ZNF638: variants seen among roughly 807,000 people sequenced by gnomAD.
ZNF638 encodes CTCL tumor antigen se33-1.
Under a neutral mutation model 195.6 loss-of-function variants are expected in ZNF638, and 46 were observed. That is an observed-to-expected ratio of 0.24 (90% CI 0.19 to 0.30). The LOEUF is 0.30. Among genes scored for constraint, ZNF638 ranks in the 10% least tolerant of loss-of-function variants. The pLI is 1.00. For missense variants in ZNF638, 2,440 were observed against 2,325.3 expected, an observed-to-expected ratio of 1.05 and a Z score of -1.01; for synonymous variants, 845 against 772.0, an observed-to-expected ratio of 1.09 and a Z score of -1.57.
chr2:71,399,554 A>G lies in ZNF638; in HGVS notation c.2501-5A>G, dbSNP rs747065953. ...TAGAATAATGGCTGACTGTACTTTTACAAGCAAAATCTGGTGGAAAGAAGT... is the reference window on the plus strand; with the variant it reads ...TAGAATAATGGCTGACTGTACTTTTGCAAGCAAAATCTGGTGGAAAGAAGT... On this transcript the variant is annotated splice_region_variant and splice_polypyrimidine_tract_variant and intron_variant, in intron 12 of 27. Transcript: ENST00000264447. 2.5e-6 allele frequency: 4 copies of G among 1,605,388 alleles called. No individual in the cohort carries two copies. The highest frequency in any genetic ancestry group is 3.4e-6 in the Non-Finnish European group (4 of 1,174,404).
At chr2:71,392,329 C>T (rs1381528884) in intron 10 of ZNF638, among the ~76,000 whole-genome samples, 4 of 152,160 alleles carry the variant, frequency 2.6e-5, no homozygotes, top group Admixed American at 6.5e-5. Flanking sequence ...AATGGAAAAG[C>T]GGCTATTTGG....
chr2:71,402,398 T>C (rs183453645), intron 16 of ZNF638, among the ~76,000 whole-genome samples: 1 of 152,120 alleles, frequency 6.6e-6, no homozygotes, highest in East Asian at 1.9e-4. Context: ...TATGTTAATA[T>C]GTTTAATAGT....
chr2:71,372,046 T>G (rs1252766999), intron 8 of ZNF638, among the ~76,000 whole-genome samples: 1 of 152,204 alleles, frequency 6.6e-6, no homozygotes, highest in East Asian at 1.9e-4. Flanking sequence ...GTTAGAGATC[T>G]TAGATAAAAG....
intron 15 of ZNF638, among the ~76,000 whole-genome samples, chr2:71,401,413 G>A (rs1398613176): frequency 1.3e-5 from 2 of 152,094 alleles, no homozygotes; most frequent in Admixed American, 6.6e-5. Flanking sequence ...TTTTTATTAT[G>A]TATTGCCTAA....
Position 71,380,564 on chromosome 2 carries a change from T to C in ZNF638, c.2376T>C (p.Ala792=). ...TTGAAATTGTTACTTCAACTTCTGC[T>C]GGTAAGTTGTTACTTTTAATATTCT... is the stretch of plus-strand genomic sequence containing the variant. ...KAVEIVTSTS[A]AKTGQAKASV... Residue 792 remains alanine (A), a splice_region_variant and synonymous_variant, in exon 10 of 28, where the codon GCT becomes GCC. Coordinates refer to ENST00000264447, the MANE Select transcript of ZNF638 (RefSeq NM_014497.5). The C allele has an allele frequency of 6.2e-7, 1 of 1,603,352 alleles. No homozygotes were observed. The highest frequency in any genetic ancestry group is 8.5e-7 in the Non-Finnish European group (1 of 1,175,180).
intron 3 of ZNF638, among the ~76,000 whole-genome samples, chr2:71,362,086 G>T (rs1456658527): frequency 6.6e-6 from 1 of 152,152 alleles, no homozygotes; most frequent in Non-Finnish European, 1.5e-5. Flanking sequence ...ATGCCTCTTA[G>T]AGTTCAGATT....
At chr2:71,401,202 T>G (rs2079998999) in intron 15 of ZNF638, among the ~76,000 whole-genome samples, 1 of 152,020 alleles carries the variant, frequency 6.6e-6, no homozygotes, top group Non-Finnish European at 1.5e-5. Context: ...TGCCTTTTTT[T>G]CCCCCTAGAT....
rs539297497 is a variant in ZNF638 at position 71,361,218 on chromosome 2, G to A, written c.1380-1935G>A. ...TCTGCCTACCTCAGCCTCCCGAAGTGTTGGGATTACAGGCATGAGCCACCA... is the reference window on the plus strand; with the variant it reads ...TCTGCCTACCTCAGCCTCCCGAAGTATTGGGATTACAGGCATGAGCCACCA... On this transcript the variant is annotated intron_variant, in intron 3 of 27. Transcript: ENST00000264447. Among the ~76,000 whole-genome samples, 39 of 152,278 alleles carry A rather than the reference G, an allele frequency of 2.6e-4. 1 individual carries two copies. Among genetic ancestry groups the A allele is most frequent in the Non-Finnish European group, 3.2e-4 (22 of 68,024 alleles).
intron 10 of ZNF638, among the ~76,000 whole-genome samples, chr2:71,383,538 G>T: frequency 7.1e-6 from 1 of 141,402 alleles, no homozygotes; most frequent in East Asian, 2.0e-4. Context: ...CTCTTCTCAT[G>T]TCATGCTTTT....
intron 26 of ZNF638, 38 bp downstream of exon 26, chr2:71,431,466 A>G: frequency 6.3e-7 from 1 of 1,599,162 alleles, no homozygotes; most frequent in Non-Finnish European, 8.6e-7. Flanking sequence ...ACCCATATGA[A>G]ATTTAAAAGT....
rs2079984709 is a variant in ZNF638, at chr2:71,400,472, A to G, written c.2657-6A>G. 1.9e-6 allele frequency: 3 copies of G among 1,603,564 alleles called. No individual in the cohort carries two copies. The highest frequency in any genetic ancestry group is 8.5e-7 in the Non-Finnish European group (1 of 1,176,874). On this transcript the variant is annotated splice_polypyrimidine_tract_variant and splice_region_variant and intron_variant, in intron 14 of 27. Coordinates refer to ENST00000264447, the MANE Select transcript of ZNF638 (RefSeq NM_014497.5). Reference sequence around the variant, plus strand: ...TGCATTGTTTTTAATTTTATTTTGTATTAAGATGCTGCTTTGGAGGCCACA... The same window carrying G: ...TGCATTGTTTTTAATTTTATTTTGTGTTAAGATGCTGCTTTGGAGGCCACA...
intron 27 of ZNF638, among the ~76,000 whole-genome samples, chr2:71,433,966 A>T (rs1573186158): frequency 6.6e-6 from 1 of 152,322 alleles, no homozygotes; most frequent in East Asian, 1.9e-4. Flanking sequence ...TTAGTAGCAG[A>T]CCTAGGATTT....
At chr2:71,365,828 T>TTCCA in intron 6 of ZNF638, 122 bp downstream of exon 6, 5 of 947,816 alleles carry the variant, frequency 5.3e-6, no homozygotes, top group Non-Finnish European at 6.2e-6. Flanking sequence ...CAAGTGATCC[T>TTCCA]CCTGCCTCAT....
At chr2:71,382,906 C>G (rs953056672) in intron 10 of ZNF638, among the ~76,000 whole-genome samples, 1 of 151,972 alleles carries the variant, frequency 6.6e-6, no homozygotes, top group Admixed American at 6.6e-5. Context: ...ATAATCTGTA[C>G]CAGAAGAGAG....
chr2:71,373,421 C>T (rs1379157063), intron 8 of ZNF638, among the ~76,000 whole-genome samples: 1 of 140,550 alleles, frequency 7.1e-6, no homozygotes, highest in Non-Finnish European at 1.5e-5. Context: ...GTTATGCATA[C>T]ATATATCAAG....
At chr2:71,345,887 C>T (rs2078843104) in intron 1 of ZNF638, among the ~76,000 whole-genome samples, 1 of 152,168 alleles carries the variant, frequency 6.6e-6, no homozygotes, top group African/African-American at 2.4e-5. Context: ...CTTTCTTGGC[C>T]AGGCAACATC....
intron 1 of ZNF638, among the ~76,000 whole-genome samples, chr2:71,336,092 C>T (rs951671251): frequency 7.9e-5 from 12 of 152,182 alleles, no homozygotes; most frequent in East Asian, 3.9e-4. Context: ...TTGATAAGGC[C>T]GGGGCACGGT....
chr2:71,376,327 G>A (rs914753569), intron 8 of ZNF638: 3 of 152,230 alleles, frequency 2.0e-5, no homozygotes, highest in African/African-American at 7.2e-5. Context: ...GGGATTGAGT[G>A]GAGGGAACTC....
chr2:71,363,260 A>G (rs2079138721), intron 4 of ZNF638, 69 bp downstream of exon 4: 5 of 1,194,950 alleles, frequency 4.2e-6, no homozygotes, highest in East Asian at 5.2e-5. Flanking sequence ...TAATTTTAAG[A>G]AAGTGATTCT....
Sources: allele counts gnomAD v4.1 joint callset (sites outside exome capture counted in the v4.1 genomes callset), GRCh38; gene constraint gnomAD v4.1.1; transcripts MANE v1.5; gene names NCBI Gene and HGNC (gene_info 2026-07-23, HGNC 2026-07-21).